The following AFF1 variants were observed in gnomAD, a reference collection of about 807,000 sequenced individuals.
The protein encoded by AFF1 is AF4/FMR2 family member 1.
In AFF1, 48 loss-of-function variants were observed where a neutral mutation model predicts 121.7. The observed-to-expected ratio is 0.39, with a 90% CI of 0.31 to 0.50. AFF1 has a LOEUF of 0.50. Ranked by LOEUF, AFF1 falls within the 20% of genes least tolerant of loss-of-function variation. AFF1 has a pLI of 0.76. For missense variants in AFF1, 1,523 were observed against 1,511.7 expected, an observed-to-expected ratio of 1.01 and a Z score of -0.12; for synonymous variants, 613 against 563.0, an observed-to-expected ratio of 1.09 and a Z score of -1.26.
At chr4:87,007,984 A>G (rs563573212) in intron 2 of AFF1, among the ~76,000 whole-genome samples, 1 of 152,288 alleles carries the variant, frequency 6.6e-6, no homozygotes, top group African/African-American at 2.4e-5. Flanking sequence ...AAGGGGAGAG[A>G]GGATAATGAA....
intron 4 of AFF1, among the ~76,000 whole-genome samples, chr4:87,077,707 T>TTC (rs1168382412): frequency 6.6e-6 from 1 of 152,234 alleles, no homozygotes; most frequent in Non-Finnish European, 1.5e-5. Flanking sequence ...TGATACTTTC[T>TTC]TCATTTATAG....
In AFF1 at chr4:87,140,786, G is replaced by A. The variant is rs1362878944; in HGVS notation, c.*5085G>A. ...ATGGAACTGCAACTTGGGGCTTTGT[G>A]AATAAAATTTAGCTGCCTTGTATAG... On this transcript the variant is annotated 3_prime_UTR_variant, in exon 21 of 21. Transcript: ENST00000395146. 2 of 188,678 alleles carry A rather than the reference G, an allele frequency of 1.1e-5. No individual in the cohort carries two copies. Among genetic ancestry groups the A allele is most frequent in the African/African-American group, 4.7e-5 (2 of 42,698 alleles). 11.7% of individuals were successfully genotyped at this position (188,678 alleles called of 1,614,324 possible). A position where few individuals can be genotyped will look rare whatever the true frequency, so the allele number is the denominator to read the frequency against.
At chr4:86,999,070 C>G (rs1432884070) in intron 2 of AFF1, among the ~76,000 whole-genome samples, 1 of 152,170 alleles carries the variant, frequency 6.6e-6, no homozygotes, top group Non-Finnish European at 1.5e-5. Flanking sequence ...TTTCTCTTCC[C>G]TGTTTCCCTT....
chr4:87,059,273 C>G (rs1315315306), intron 4 of AFF1, among the ~76,000 whole-genome samples: 1 of 152,198 alleles, frequency 6.6e-6, no homozygotes, highest in East Asian at 1.9e-4. Context: ...CTTAATTGAA[C>G]CTGTCTAAAA....
intron 8 of AFF1, among the ~76,000 whole-genome samples, chr4:87,103,586 A>G (rs3755985): frequency 0.17 from 26,265 of 152,118 alleles, 2,911 homozygotes; most frequent in East Asian, 0.38. Flanking sequence ...GTTACTATCT[A>G]TGTAATTCTC....
chr4:86,968,475 C>G (rs1365408423), intron 2 of AFF1, among the ~76,000 whole-genome samples: 1 of 152,156 alleles, frequency 6.6e-6, no homozygotes, highest in African/African-American at 2.4e-5. Context: ...GTACAGTTTT[C>G]AGTATTCACA....
intron 2 of AFF1, among the ~76,000 whole-genome samples, chr4:86,953,326 C>T (rs1302641470): frequency 2.6e-5 from 4 of 151,920 alleles, no homozygotes; most frequent in Non-Finnish European, 5.9e-5. Flanking sequence ...TTTATTTGCC[C>T]AGAAAAAAAC....
chr4:86,969,556 A>G (rs1052940486), intron 2 of AFF1, among the ~76,000 whole-genome samples: 2 of 136,380 alleles, frequency 1.5e-5, no homozygotes, highest in African/African-American at 5.5e-5. Flanking sequence ...TGTACCTACA[A>G]AATAGAAATG....
intron 4 of AFF1, among the ~76,000 whole-genome samples, chr4:87,054,469 A>G (rs1246943614): frequency 1.3e-5 from 2 of 152,176 alleles, no homozygotes; most frequent in African/African-American, 4.8e-5. Context: ...TTCTGCCCCC[A>G]ACATAAGGTA....
intron 2 of AFF1, among the ~76,000 whole-genome samples, chr4:86,990,596 A>G (rs1724623721): frequency 6.6e-6 from 1 of 152,172 alleles, no homozygotes; most frequent in Admixed American, 6.6e-5. Context: ...GTGGCCAGCA[A>G]GAAGGGGAGT....
intron 12 of AFF1, among the ~76,000 whole-genome samples, chr4:87,120,664 C>T (rs1206818814): frequency 6.6e-6 from 1 of 152,204 alleles, no homozygotes; most frequent in Non-Finnish European, 1.5e-5. Flanking sequence ...GTGGTTACCG[C>T]GTCAGCCCCG....
chr4:86,941,873 T>C (rs1720485692), intron 1 of AFF1, among the ~76,000 whole-genome samples: 1 of 151,564 alleles, frequency 6.6e-6, no homozygotes, highest in African/African-American at 2.4e-5. Flanking sequence ...TTGATGCCTC[T>C]GCTTGTAAAA....
chr4:87,061,537 C>T (rs1304899672), intron 4 of AFF1, among the ~76,000 whole-genome samples: 2 of 152,182 alleles, frequency 1.3e-5, no homozygotes, highest in African/African-American at 4.8e-5. Flanking sequence ...TAGTTGCCAA[C>T]ATCTAAAAAT....
intron 2 of AFF1, among the ~76,000 whole-genome samples, chr4:87,017,748 C>G (rs541801194): frequency 6.6e-6 from 1 of 152,182 alleles, no homozygotes; most frequent in Non-Finnish European, 1.5e-5. Context: ...TGGAAATTAT[C>G]GTTCAGACTT....
intron 4 of AFF1, among the ~76,000 whole-genome samples, chr4:87,065,564 A>G (rs899755349): frequency 6.6e-6 from 1 of 152,138 alleles, no homozygotes; most frequent in African/African-American, 2.4e-5. Flanking sequence ...TAGTACAAGT[A>G]GTATTATGAC....
At chr4:86,955,516 A>C (rs1012907134) in intron 2 of AFF1, among the ~76,000 whole-genome samples, 3 of 152,078 alleles carry the variant, frequency 2.0e-5, no homozygotes, top group Non-Finnish European at 2.9e-5. Context: ...TTCTCCTTGG[A>C]ATCTTGAAAC....
At chr4:87,073,314 A>AG (rs1722313567) in intron 4 of AFF1, among the ~76,000 whole-genome samples, 1 of 109,840 alleles carries the variant, frequency 9.1e-6, no homozygotes, top group African/African-American at 3.5e-5. Context: ...AAAAAAAAAA[A>AG]GCGGGGGCGG....
chr4:87,098,789 G>A (rs1725130341), intron 8 of AFF1, among the ~76,000 whole-genome samples: 1 of 152,280 alleles, frequency 6.6e-6, no homozygotes, highest in South Asian at 2.1e-4. Context: ...GGTTTCTTTT[G>A]AAGTGAGGGA....
intron 4 of AFF1, among the ~76,000 whole-genome samples, chr4:87,082,252 C>T (rs914245838): frequency 3.3e-5 from 5 of 152,042 alleles, no homozygotes; most frequent in Admixed American, 3.3e-4. Context: ...AAATTGAAAT[C>T]GTAGAATAGT....
Sources: allele counts gnomAD v4.1 joint callset (sites outside exome capture counted in the v4.1 genomes callset), GRCh38; gene constraint gnomAD v4.1.1; transcripts MANE v1.5; gene names NCBI Gene and HGNC (gene_info 2026-07-23, HGNC 2026-07-21).